The following TENM1 variants were observed in gnomAD, a reference collection of about 807,000 sequenced individuals.
TENM1 encodes the protein teneurin transmembrane protein 1, also known as teneurin-1.
TENM1 carries 35 observed loss-of-function variants against 174.8 expected under a neutral mutation model. The observed-to-expected ratio is 0.20, with a 90% CI of 0.15 to 0.27. The LOEUF is 0.27. TENM1 is among the 10% of genes least tolerant of loss of function. The probability of loss-of-function intolerance (pLI) is 1.00; values close to 1 mark genes in which losing one functional copy is unlikely to be tolerated. For missense variants in TENM1, 1,633 were observed against 2,130.1 expected (o/e 0.77, Z 4.59); for synonymous variants, 781 against 798.7 (o/e 0.98, Z 0.37).
At chrX:124,573,111 T>C (rs1876681113) in intron 11 of TENM1, among the ~76,000 whole-genome samples, 1 of 111,218 alleles carries the variant, frequency 9.0e-6, no homozygotes, top group Non-Finnish European at 1.9e-5. Flanking sequence ...TATCCATCAA[T>C]GGGAAAGGAT....
chrX:124,999,495 G>A, the TENM1 span, among the ~76,000 whole-genome samples: 1 of 111,092 alleles, frequency 9.0e-6, no homozygotes, highest in Non-Finnish European at 1.9e-5. Flanking sequence ...ACTTGACAAA[G>A]AGTCTAATTC....
At chrX:124,777,476 A>G (rs777411758) in intron 3 of TENM1, among the ~76,000 whole-genome samples, 39 of 111,800 alleles carry the variant, frequency 3.5e-4, no homozygotes, top group Non-Finnish European at 7.1e-4. Context: ...TACTCAGCTT[A>G]CCATTGGCCT....
chrX:124,676,268 AT>A (rs1336925320), intron 5 of TENM1, among the ~76,000 whole-genome samples: 1 of 12,535 alleles, frequency 8.0e-5, no homozygotes, highest in Non-Finnish European at 1.3e-4. Context: ...ATATATATAT[AT>A]ATATATATAT....
chrX:124,576,979 C>T (rs2049181776), intron 11 of TENM1, among the ~76,000 whole-genome samples: 2 of 111,962 alleles, frequency 1.8e-5, no homozygotes, highest in Non-Finnish European at 3.8e-5. Flanking sequence ...ACGTCTAAGT[C>T]CCCAAGCAAA....
chrX:124,567,076 A>C (rs975887188), intron 11 of TENM1, among the ~76,000 whole-genome samples: 2 of 111,966 alleles, frequency 1.8e-5, no homozygotes, highest in Admixed American at 9.5e-5. Flanking sequence ...TGGATAGATA[A>C]AGCTGTCATT....
the TENM1 span, among the ~76,000 whole-genome samples, chrX:125,011,054 A>G: frequency 3.6e-5 from 4 of 111,338 alleles, no homozygotes; most frequent in Non-Finnish European, 5.6e-5. Flanking sequence ...CTGATCTTCT[A>G]CAAACCTGAC....
At chrX:124,952,913 G>C (rs1320400050) in intron 1 of TENM1, among the ~76,000 whole-genome samples, 1 of 111,856 alleles carries the variant, frequency 8.9e-6, no homozygotes, top group Admixed American at 9.5e-5. Flanking sequence ...TGGTGGGACA[G>C]AAGAATTCTC....
intron 18 of TENM1, among the ~76,000 whole-genome samples, chrX:124,509,451 G>A (rs1200519908): frequency 9.0e-6 from 1 of 111,159 alleles, no homozygotes; most frequent in African/African-American, 3.3e-5. Flanking sequence ...ATATTTTGAG[G>A]GGAGGCAGGG....
chrX:125,193,195 T>C, the TENM1 span, among the ~76,000 whole-genome samples: 2 of 111,739 alleles, frequency 1.8e-5, no homozygotes, highest in African/African-American at 6.5e-5. Flanking sequence ...CAATATTTCA[T>C]CTTTGCTTCT....
chrX:124,594,255 T>G (rs1376125146), intron 11 of TENM1, among the ~76,000 whole-genome samples: 1 of 111,616 alleles, frequency 9.0e-6, no homozygotes, highest in East Asian at 2.8e-4. Flanking sequence ...TCATAGGGGC[T>G]GTTTGCCAGC....
chrX:124,400,384 G>C (rs1424079343), intron 27 of TENM1, among the ~76,000 whole-genome samples: 1 of 111,584 alleles, frequency 9.0e-6, no homozygotes, highest in Non-Finnish European at 1.9e-5. Context: ...GTGTTCAACC[G>C]AGCTTGTTTC....
chrX:124,727,471 A>G (rs1603079903), intron 4 of TENM1, among the ~76,000 whole-genome samples: 1 of 111,966 alleles, frequency 8.9e-6, no homozygotes, highest in African/African-American at 3.2e-5. Context: ...AGAGTAAATA[A>G]GAGTAAACAA....
At chrX:124,947,507 G>T (rs1379347823) in intron 1 of TENM1, among the ~76,000 whole-genome samples, 1 of 111,551 alleles carries the variant, frequency 9.0e-6, no homozygotes, top group African/African-American at 3.3e-5. Context: ...TAGAAATGTG[G>T]CTAAATATTA....
At chrX:125,083,856 C>T in the TENM1 span, among the ~76,000 whole-genome samples, 1 of 110,549 alleles carries the variant, frequency 9.0e-6, no homozygotes, top group African/African-American at 3.3e-5. Context: ...ATTCTGGATC[C>T]CCACAGACTT....
chrX:124,480,838 C>CACACACAT (rs1284509163), intron 22 of TENM1, among the ~76,000 whole-genome samples: 1 of 111,589 alleles, frequency 9.0e-6, no homozygotes, highest in East Asian at 2.8e-4. Flanking sequence ...CACACACATA[C>CACACACAT]ACACACATAC....
At chrX:124,954,098 T>C (rs901449481) in intron 1 of TENM1, among the ~76,000 whole-genome samples, 1 of 112,210 alleles carries the variant, frequency 8.9e-6, no homozygotes, top group African/African-American at 3.2e-5. Context: ...GTAATACGTA[T>C]GTAGTTAGCT....
chrX:124,483,152 G>T (rs1251466313), intron 21 of TENM1, among the ~76,000 whole-genome samples: 2 of 111,202 alleles, frequency 1.8e-5, no homozygotes, highest in African/African-American at 6.5e-5. Context: ...AATGTTTCTT[G>T]GTGTGTTAGC....
chrX:125,163,910 A>G, the TENM1 span, among the ~76,000 whole-genome samples: 1 of 111,796 alleles, frequency 8.9e-6, no homozygotes, highest in East Asian at 2.8e-4. Flanking sequence ...GCCAATATCT[A>G]TGGAACTCTT....
intron 1 of TENM1, among the ~76,000 whole-genome samples, chrX:124,955,824 C>CACAG (rs2058565724): frequency 4.5e-5 from 5 of 109,949 alleles, no homozygotes; most frequent in African/African-American, 1.7e-4. Flanking sequence ...CACACACACA[C>CACAG]ACAGACACCA....
Sources: allele counts gnomAD v4.1 joint callset (sites outside exome capture counted in the v4.1 genomes callset), GRCh38; gene constraint gnomAD v4.1.1; transcripts MANE v1.5; gene names NCBI Gene and HGNC (gene_info 2026-07-23, HGNC 2026-07-21).